Variants in SCRG1 observed in about 807,000 individuals in gnomAD.
SCRG1 encodes scrapie-responsive protein 1.
SCRG1 carries 3 observed loss-of-function variants against 7.7 expected under a neutral mutation model. The observed-to-expected ratio is 0.39, with a 90% confidence interval of 0.18 to 1.01. SCRG1 has a LOEUF of 1.01. SCRG1 is among the 50% of genes least tolerant of loss of function. The pLI is 0.36. For synonymous variants in SCRG1, 46 were observed against 41.2 expected, an observed-to-expected ratio of 1.12 and a Z score of -0.44; for missense variants, 110 against 117.2, an observed-to-expected ratio of 0.94 and a Z score of 0.28.
At chr4:173,482,981 ATATAT>A in the SCRG1 span, among the ~76,000 whole-genome samples, 6 of 131,800 alleles carry the variant, frequency 4.6e-5, no homozygotes, top group South Asian at 2.2e-4. Context: ...ATAATATATA[ATATAT>A]TATATATTTC....
At chr4:173,412,563 C>T in the SCRG1 span, among the ~76,000 whole-genome samples, 9 of 152,186 alleles carry the variant, frequency 5.9e-5, no homozygotes, top group African/African-American at 2.2e-4. Flanking sequence ...CTCTGTTGGC[C>T]TGAGTGGCCC....
the SCRG1 span, among the ~76,000 whole-genome samples, chr4:173,488,604 A>C: frequency 6.6e-6 from 1 of 152,168 alleles, no homozygotes; most frequent in East Asian, 1.9e-4. Context: ...ACACATAGGC[A>C]ACAGAGAGGA....
chr4:173,421,411 TTTG>T, the SCRG1 span, among the ~76,000 whole-genome samples: 4 of 17,958 alleles, frequency 2.2e-4, no homozygotes, highest in South Asian at 4.2e-3. Flanking sequence ...TTTGGTTTAG[TTTG>T]TTGGGGGGGG....
chr4:173,397,383 C>G (rs929367282), intron 1 of SCRG1, among the ~76,000 whole-genome samples: 1 of 152,016 alleles, frequency 6.6e-6, no homozygotes, highest in African/African-American at 2.4e-5. Flanking sequence ...GGAATACACC[C>G]AAATTACAAA....
chr4:173,417,361 A>G, the SCRG1 span, among the ~76,000 whole-genome samples: 2 of 152,188 alleles, frequency 1.3e-5, no homozygotes, highest in Non-Finnish European at 2.9e-5. Context: ...AGATTTAGAA[A>G]CAGAATTGAA....
chr4:173,502,377 C>G, the SCRG1 span, among the ~76,000 whole-genome samples: 93 of 152,284 alleles, frequency 6.1e-4, no homozygotes, highest in African/African-American at 1.9e-3. The surrounding 1 kb of genome is among the most constrained non-coding windows in gnomAD (Gnocchi z 4.6). Context: ...GCAGCAGACT[C>G]CATACCCGGT....
At chr4:173,397,002 G>A (rs1037183730) in intron 1 of SCRG1, among the ~76,000 whole-genome samples, 21 of 152,046 alleles carry the variant, frequency 1.4e-4, no homozygotes, top group African/African-American at 1.9e-4. Context: ...GCAGTGAGCC[G>A]AGATTGCACC....
chr4:173,507,197 CTGTT>C, the SCRG1 span, among the ~76,000 whole-genome samples: 6,356 of 151,374 alleles, frequency 0.042, 134 homozygotes, highest in South Asian at 0.066. The surrounding 1 kb of genome is among the most constrained non-coding windows in gnomAD (Gnocchi z 4.4). Flanking sequence ...CCCTGTTTTT[CTGTT>C]TGTTTGTTTG....
chr4:173,470,222 T>A, the SCRG1 span, among the ~76,000 whole-genome samples: 1 of 151,048 alleles, frequency 6.6e-6, no homozygotes, highest in Non-Finnish European at 1.5e-5. Context: ...CAATATGTGT[T>A]TACCAGATAG....
the SCRG1 span, chr4:173,468,071 T>TATATACGAAGC: frequency 6.5e-6 from 1 of 152,782 alleles, no homozygotes; most frequent in South Asian, 2.1e-4. Flanking sequence ...GAATGTTCAC[T>TATATACGAAGC]ATATACGAAG....
the SCRG1 span, among the ~76,000 whole-genome samples, chr4:173,456,283 A>G: frequency 0.11 from 16,608 of 152,222 alleles, 962 homozygotes; most frequent in African/African-American, 0.13. Context: ...GAAAATATAT[A>G]CTGAATTAAA....
upstream of SCRG1, among the ~76,000 whole-genome samples, chr4:173,401,296 G>T (rs961718864): frequency 6.6e-5 from 10 of 152,202 alleles, no homozygotes; most frequent in African/African-American, 2.2e-4. Flanking sequence ...TAAAGATGAT[G>T]CCATACACAG....
the SCRG1 span, among the ~76,000 whole-genome samples, chr4:173,441,417 G>A: frequency 6.6e-5 from 10 of 152,010 alleles, no homozygotes; most frequent in South Asian, 2.1e-4. Context: ...AATATATATC[G>A]CATTAACACT....
At position 173,386,689 on chromosome 4, in the gene SCRG1, A is replaced by T. The variant is rs1375641626; in HGVS notation, c.*1652T>A. On this transcript the variant is annotated 3_prime_UTR_variant, in exon 3 of 3. Transcript: ENST00000296506. ...AAATAATGTCACTTTTATTCATAAAATGATATCTCCCAGATTGCCTGTGTG... is the reference window on the plus strand; with the variant it reads ...AAATAATGTCACTTTTATTCATAAATTGATATCTCCCAGATTGCCTGTGTG... 1 of 152,212 alleles carries T rather than the reference A, an allele frequency of 6.6e-6. No individual in the cohort carries two copies. Among genetic ancestry groups the T allele is most frequent in the Non-Finnish European group, 1.5e-5 (1 of 68,034 alleles). The allele number at this position is 152,212 out of a possible 1,614,324, so 9.4% of individuals were successfully genotyped here.
the SCRG1 span, among the ~76,000 whole-genome samples, chr4:173,506,477 C>A: frequency 6.6e-6 from 1 of 152,190 alleles, no homozygotes; most frequent in Non-Finnish European, 1.5e-5. This position sits in a 1 kb window ranked among gnomAD's most constrained non-coding sequence, Gnocchi z 5.3. Context: ...TCTCTTTGCA[C>A]CTCAATTTTC....
intron 2 of SCRG1, among the ~76,000 whole-genome samples, chr4:173,389,152 A>G (rs1230701941): frequency 6.6e-6 from 1 of 152,240 alleles, no homozygotes; most frequent in Non-Finnish European, 1.5e-5. Flanking sequence ...GAGATTAATT[A>G]ACTCAAGTTC....
the SCRG1 span, among the ~76,000 whole-genome samples, chr4:173,490,547 G>A: frequency 6.6e-6 from 1 of 152,160 alleles, no homozygotes; most frequent in East Asian, 1.9e-4. Context: ...TCATATTAAT[G>A]TTCAGGCCAC....
At chr4:173,495,469 C>G in the SCRG1 span, among the ~76,000 whole-genome samples, 1 of 152,190 alleles carries the variant, frequency 6.6e-6, no homozygotes, top group Non-Finnish European at 1.5e-5. Flanking sequence ...CACAGATGCA[C>G]AGATGCATAT....
chr4:173,394,638 C>T (rs928707613), intron 1 of SCRG1, among the ~76,000 whole-genome samples: 2 of 142,270 alleles, frequency 1.4e-5, no homozygotes, highest in East Asian at 4.4e-4. Flanking sequence ...GAGAGAGACT[C>T]CGTCTCAAAA....
Sources: allele counts gnomAD v4.1 joint callset (sites outside exome capture counted in the v4.1 genomes callset), GRCh38; gene constraint gnomAD v4.1.1; non-coding constraint Gnocchi (gnomAD v3.1); transcripts MANE v1.5; gene names NCBI Gene and HGNC (gene_info 2026-07-23, HGNC 2026-07-21).